SMTN: variants seen among roughly 807,000 people sequenced by gnomAD.
SMTN encodes the protein smoothelin.
A neutral mutation model predicts 102.0 loss-of-function variants in SMTN; 58 were observed. That is an observed-to-expected ratio of 0.57 (90% CI 0.46 to 0.71). The LOEUF (loss-of-function observed/expected upper bound fraction) is 0.71, where lower values mean the gene tolerates loss of function less well. Among genes scored for constraint, SMTN ranks in the 30% least tolerant of loss-of-function variants. The pLI is 0.00. For synonymous variants in SMTN, 478 were observed against 497.9 expected (o/e 0.96, Z 0.53); for missense variants, 1,185 against 1,241.7 (o/e 0.95, Z 0.69).
rs749327604 is a variant in SMTN, at chr22:31,091,748, T to C, written c.1533T>C (p.Arg511=). 82 of 1,612,552 alleles carry C rather than the reference T, an allele frequency of 5.1e-5. No homozygotes were observed. Among genetic ancestry groups the C allele is most frequent in the Non-Finnish European group, 5.1e-6 (6 of 1,179,252 alleles). Residue 511 remains arginine, a synonymous_variant, in exon 11 of 21, where the codon CGT becomes CGC. Coordinates refer to ENST00000333137, the MANE Select transcript of SMTN (RefSeq NM_134269.3). The stretch of plus-strand genomic sequence containing the variant: ...GTGGGGGCAAGAGCACCATCACCCG[T>C]GTCAACAGCCCTGGGACCCTGGCTC... ...TSSGGKSTIT[R]VNSPGTLARL...
rs149952332 is a variant in SMTN at position 31,089,986 on chromosome 22, G to A, written c.759G>A (p.Thr253=). The A allele has an allele frequency of 1.0e-5, 16 of 1,601,942 alleles. No individual in the cohort carries two copies. The highest frequency in any genetic ancestry group is 1.7e-4 in the Middle Eastern group (1 of 6,060). ...GCCCTGAGCCTCAGGAGTCTCCAAC[G>A]CTCCCCAGCACTGAGGGCCAGGTGG... is the stretch of plus-strand genomic sequence containing the variant. The part of the protein sequence containing the change: ...TTSPEPQESP[T]LPSTEGQVVN... Residue 253 remains threonine (T), a synonymous_variant, in exon 7 of 21, where the codon ACG becomes ACA. Transcript: ENST00000333137.
Position 31,091,274 on chromosome 22 carries a change from G to A in SMTN, c.1251G>A (p.Arg417=). The A allele has an allele frequency of 6.3e-7, 1 of 1,599,870 alleles. No individual in the cohort carries two copies. Among genetic ancestry groups the A allele is most frequent in the East Asian group, 2.3e-5 (1 of 44,356 alleles). The change falls in exon 10 of 21, where the codon AGG becomes AGA. Residue 417 remains arginine (R), a synonymous_variant. Transcript: ENST00000333137. The part of the protein sequence containing the change: ...LRSCPQEEGP[R]GRGLAARPLE... ...GCTGCCCCCAGGAGGAGGGCCCCAG[G>A]GGGCGGGGCTTGGCTGCTAGGCCCC... is the stretch of plus-strand genomic sequence containing the variant.
At chr22:31,093,403 T>TGCCACTGCCCCACCATTACCCCCC (rs1251691528) in intron 11 of SMTN, 1 of 433,070 alleles carries the variant, frequency 2.3e-6, no homozygotes, top group East Asian at 5.3e-5. Flanking sequence ...CAGCAGCCCC[T>TGCCACTGCCCCACCATTACCCCCC]GCCACTGCCC....
chr22:31,099,149 C>G lies in SMTN; in HGVS notation c.2421C>G (p.Asp807Glu). ...NANSIKQMLL[D>E]WCRAKTRGYE... ...ACAGCATCAAGCAGATGCTGCTGGA[C>G]TGGTGTCGAGCCAAGACTCGCGGCT... Residue 807 changes from aspartate (D) to glutamate (E), a missense_variant, in exon 18 of 21, where the codon GAC (aspartate) becomes GAG (glutamate). Asp to Glu is a conservative substitution (Grantham distance 45). Coordinates refer to ENST00000333137, the MANE Select transcript of SMTN (RefSeq NM_134269.3). 1 of 1,613,176 alleles carries G rather than the reference C, an allele frequency of 6.2e-7. No homozygotes were observed. The highest frequency in any genetic ancestry group is 8.5e-7 in the Non-Finnish European group (1 of 1,179,904).
chr22:31,102,449 AC>A (rs1319393591), intron 20 of SMTN: 1 of 152,322 alleles, frequency 6.6e-6, no homozygotes. Flanking sequence ...GTAGGGGCAC[AC>A]TCAGATGCCC....
chr22:31,078,943 TCTTCCAGAG>T (rs148842586), upstream of SMTN, among the ~76,000 whole-genome samples: 1,458 of 152,252 alleles, frequency 9.6e-3, 13 homozygotes, highest in Non-Finnish European at 0.013. Flanking sequence ...CCCTAAGAAG[TCTTCCAGAG>T]CTTCCCCCAT....
intron 1 of SMTN, among the ~76,000 whole-genome samples, chr22:31,075,207 G>T (rs1249961078): frequency 6.6e-6 from 1 of 151,994 alleles, no homozygotes; most frequent in Non-Finnish European, 1.5e-5. Context: ...TTTCTCTCTG[G>T]GCCTCATTTT....
At chr22:31,098,940 G>A in intron 17 of SMTN, 100 bp downstream of exon 17, 1 of 1,549,918 alleles carries the variant, frequency 6.5e-7, no homozygotes, top group African/African-American at 1.4e-5. Context: ...AAGACCGCGC[G>A]GCTAGATCTG....
rs1281036232 is a variant in SMTN at position 31,091,700 on chromosome 22, C to A, written c.1485C>A (p.Pro495=). The change falls in exon 11 of 21, where the codon CCC becomes CCA. Residue 495 remains proline (P), a synonymous_variant. Coordinates refer to ENST00000333137, the MANE Select transcript of SMTN (RefSeq NM_134269.3). ...RAELTLGLRA[P]PTLLSTSSGG... ...AACTGACACTGGGGCTGCGGGCGCC[C>A]CCGACCCTACTCAGCACCAGTAGTG... 6.2e-7 allele frequency: 1 copy of A among 1,606,400 alleles called. No individual in the cohort carries two copies. The highest frequency in any genetic ancestry group is 8.5e-7 in the Non-Finnish European group (1 of 1,174,836).
chr22:31,082,797 G>T, intron 1 of SMTN: 1 of 1,442,726 alleles, frequency 6.9e-7, no homozygotes, highest in Non-Finnish European at 9.2e-7. Flanking sequence ...TGGATGGGTG[G>T]GTGGGGCAGG....
chr22:31,094,221 T>C (rs2043381932), intron 11 of SMTN, among the ~76,000 whole-genome samples: 1 of 152,232 alleles, frequency 6.6e-6, no homozygotes, highest in South Asian at 2.1e-4. Flanking sequence ...GCCATAATAG[T>C]TGGCTTGGGG....
At chr22:31,100,214 C>T (rs79017381) in intron 19 of SMTN, among the ~76,000 whole-genome samples, 4,332 of 152,194 alleles carry the variant, frequency 0.028, 115 homozygotes, top group Admixed American at 0.081. Context: ...CTGTCCTGCT[C>T]TCCTCCCACT....
At chr22:31,097,187 C>A in intron 15 of SMTN, 82 bp from the exon 16 acceptor site, 1 of 1,496,794 alleles carries the variant, frequency 6.7e-7, no homozygotes, top group Non-Finnish European at 9.3e-7. Flanking sequence ...GCGGCTATCA[C>A]CACCCCTCCA....
chr22:31,078,648 T>C (rs2042187347), upstream of SMTN, among the ~76,000 whole-genome samples: 1 of 152,252 alleles, frequency 6.6e-6, no homozygotes, highest in African/African-American at 2.4e-5. Flanking sequence ...CCCAGACTAT[T>C]GGTCTTTGCT....
At chr22:31,073,032 T>TTTTTTTA (rs869214569) in intron 1 of SMTN, among the ~76,000 whole-genome samples, 1 of 110,522 alleles carries the variant, frequency 9.0e-6, no homozygotes, top group Non-Finnish European at 1.9e-5. Flanking sequence ...TTTTTTTTTT[T>TTTTTTTA]GAGACAGGGT....
At chr22:31,069,903 C>T (rs943467259) in intron 1 of SMTN, among the ~76,000 whole-genome samples, 1 of 152,170 alleles carries the variant, frequency 6.6e-6, no homozygotes, top group Non-Finnish European at 1.5e-5. Context: ...CCTTTGTTGA[C>T]ATTAGATTAA....
Position 31,095,890 on chromosome 22 carries a change from T to G in SMTN, c.1861+281T>G. ...CTCCCGCAGCTACTCTCTCCTTGGATCCAGTTGCCTCTCAAAGTACTGTCA... is the reference window on the plus strand; with the variant it reads ...CTCCCGCAGCTACTCTCTCCTTGGAGCCAGTTGCCTCTCAAAGTACTGTCA... On this transcript the variant is annotated intron_variant, in intron 13 of 20. Coordinates refer to ENST00000333137, the MANE Select transcript of SMTN (RefSeq NM_134269.3). This position sits in a 1 kb window ranked among gnomAD's most constrained non-coding sequence, Gnocchi z 4.1. The G allele has an allele frequency of 2.0e-6, 1 of 509,386 alleles. No individual in the cohort carries two copies. The highest frequency in any genetic ancestry group is 1.9e-5 in the African/African-American group (1 of 51,372). 31.6% of individuals were successfully genotyped at this position (509,386 alleles called of 1,614,324 possible).
At chr22:31,067,324 C>T (rs1193366397) in intron 1 of SMTN, 7 of 151,352 alleles carry the variant, frequency 4.6e-5, no homozygotes, top group Non-Finnish European at 8.8e-5. Flanking sequence ...GCTGCAATCT[C>T]CGCCTCCCAG....
At position 31,088,046 on chromosome 22, in the gene SMTN, G is replaced by C. The variant is rs139041434; in HGVS notation, c.133G>C (p.Glu45Gln). ...ACTGCAGCGGCAGGAGCTGGAGCGC[G>C]AGGAGGAGGCCCTGGCATCCAAGCG... ...RELQRQELER[E>Q]EEALASKRFR... Residue 45 changes from glutamate (E) to glutamine (Q), a missense_variant, in exon 3 of 21, where the codon GAG becomes CAG. Physicochemically the swap from Glu to Gln is conservative, Grantham distance 29. Transcript: ENST00000333137. The C allele has an allele frequency of 3.1e-6, 5 of 1,612,062 alleles. No homozygotes were observed. The South Asian group carries it at 4.4e-5, about 14-fold the overall frequency.
Sources: allele counts gnomAD v4.1 joint callset (sites outside exome capture counted in the v4.1 genomes callset), GRCh38; gene constraint gnomAD v4.1.1; non-coding constraint Gnocchi (gnomAD v3.1); transcripts MANE v1.5; gene names NCBI Gene and HGNC (gene_info 2026-07-23, HGNC 2026-07-21).